The following GNA12 variants were observed in gnomAD, a reference collection of about 807,000 sequenced individuals.
GNA12 encodes G protein subunit alpha 12.
A neutral mutation model predicts 26.0 loss-of-function variants in GNA12; 9 were observed. The observed-to-expected ratio is 0.35, with a 90% confidence interval of 0.21 to 0.60. GNA12 has a LOEUF of 0.60. GNA12 is among the 20% of genes least tolerant of loss of function. GNA12 has a pLI of 0.78. For synonymous variants in GNA12, 264 were observed against 219.6 expected, an observed-to-expected ratio of 1.20 and a Z score of -1.79; for missense variants, 405 against 525.8, an observed-to-expected ratio of 0.77 and a Z score of 2.25.
chr7:2,828,141 A>C (rs569011944), intron 1 of GNA12, among the ~76,000 whole-genome samples: 1 of 152,356 alleles, frequency 6.6e-6, no homozygotes, highest in Admixed American at 6.5e-5. Flanking sequence ...AAAATATTCA[A>C]GATTACAAAA....
chr7:2,739,758 C>A (rs1350028815), intron 2 of GNA12, among the ~76,000 whole-genome samples: 1 of 152,192 alleles, frequency 6.6e-6, no homozygotes, highest in African/African-American at 2.4e-5. Flanking sequence ...ACCGCAACCT[C>A]TGCCTCCTGG....
At chr7:2,839,469 T>C in intron 1 of GNA12, among the ~76,000 whole-genome samples, 1 of 152,166 alleles carries the variant, frequency 6.6e-6, no homozygotes, top group Non-Finnish European at 1.5e-5. Context: ...CTGCAACCTA[T>C]GCCTCCTAGG....
At chr7:2,758,022 T>C (rs1487187733) in intron 2 of GNA12, among the ~76,000 whole-genome samples, 1 of 152,204 alleles carries the variant, frequency 6.6e-6, no homozygotes, top group African/African-American at 2.4e-5. Context: ...ACCTAATAAA[T>C]GTCTGGAAAA....
intron 2 of GNA12, among the ~76,000 whole-genome samples, chr7:2,791,889 A>C (rs1178834974): frequency 1.3e-5 from 2 of 152,208 alleles, no homozygotes; most frequent in Non-Finnish European, 2.9e-5. Context: ...AAGAAGGGCA[A>C]ATGTATAAAG....
rs79122152 is a variant in GNA12, at chr7:2,819,046, T to C, written c.310-23903A>G. On this transcript the variant is annotated intron_variant, in intron 1 of 3. Coordinates refer to ENST00000275364, the MANE Select transcript of GNA12 (RefSeq NM_007353.3). ...GCTGAGCTTAAAATAGGGCGATTAT[T>C]CTGGATTACCCTGCGAGCCTGATGG... 9.6e-3 allele frequency among the ~76,000 whole-genome samples: 1,455 copies of C among 152,242 alleles called. 17 individuals are homozygous for C. Among genetic ancestry groups the C allele is most frequent in the African/African-American group, 0.033 (1,361 of 41,538 alleles).
At chr7:2,803,876 T>C (rs1164176883) in intron 1 of GNA12, among the ~76,000 whole-genome samples, 1 of 151,528 alleles carries the variant, frequency 6.6e-6, no homozygotes. Flanking sequence ...AACTGGAAAG[T>C]GAAAATCCAG....
At chr7:2,807,690 A>AAT (rs1792981998) in intron 1 of GNA12, among the ~76,000 whole-genome samples, 1 of 152,208 alleles carries the variant, frequency 6.6e-6, no homozygotes, top group Non-Finnish European at 1.5e-5. Context: ...GATAAGACCA[A>AAT]ATGGAAAAAA....
At chr7:2,762,760 C>G in intron 2 of GNA12, 6 of 1,550,028 alleles carry the variant, frequency 3.9e-6, no homozygotes, top group Non-Finnish European at 3.5e-6. Context: ...GCACCAGGCC[C>G]GTCCTTTCCA....
intron 2 of GNA12, among the ~76,000 whole-genome samples, chr7:2,763,817 G>C (rs920763242): frequency 1.3e-5 from 2 of 152,320 alleles, no homozygotes; most frequent in African/African-American, 2.4e-5. Context: ...GCGAGGCCGG[G>C]ACCTCTGCAC....
intron 2 of GNA12, among the ~76,000 whole-genome samples, chr7:2,749,493 A>G (rs1790921653): frequency 7.3e-6 from 1 of 136,424 alleles, no homozygotes; most frequent in Admixed American, 7.5e-5. Context: ...GGGGAACATC[A>G]CACACCGGGG....
intron 2 of GNA12, among the ~76,000 whole-genome samples, chr7:2,743,919 T>C (rs1188378340): frequency 3.3e-5 from 5 of 151,932 alleles, no homozygotes; most frequent in South Asian, 2.1e-4. Flanking sequence ...GTCTTGCTCA[T>C]TGCTAGCACA....
At chr7:2,786,093 G>A (rs76019559) in intron 2 of GNA12, among the ~76,000 whole-genome samples, 2,925 of 152,252 alleles carry the variant, frequency 0.019, 54 homozygotes, top group Middle Eastern at 0.075. Context: ...GAAAGGGGCG[G>A]CATGAGGGAG....
intron 1 of GNA12, among the ~76,000 whole-genome samples, chr7:2,836,191 C>A (rs1400382506): frequency 6.6e-6 from 1 of 152,164 alleles, no homozygotes; most frequent in African/African-American, 2.4e-5. Flanking sequence ...GAAGTCCTCG[C>A]ACTATCTAAC....
chr7:2,789,830 G>A (rs1221499200), intron 2 of GNA12, among the ~76,000 whole-genome samples: 1 of 152,174 alleles, frequency 6.6e-6, no homozygotes, highest in Admixed American at 6.5e-5. Context: ...AGCCACAGAG[G>A]AAGCCAGGCC....
At chr7:2,841,688 G>A (rs917840206) in intron 1 of GNA12, among the ~76,000 whole-genome samples, 1 of 152,204 alleles carries the variant, frequency 6.6e-6, no homozygotes, top group Non-Finnish European at 1.5e-5. Flanking sequence ...AGTATGTCAA[G>A]TGCGAATACT....
At position 2,778,593 on chromosome 7, in the gene GNA12, G is replaced by C. The variant is rs537610219; in HGVS notation, c.525+16335C>G. ...ACCCCTGGCTCTCAGGGAGATGAAT[G>C]GAAGAAAATCGTTCCTCCTATAGCT... On this transcript the variant is annotated intron_variant, in intron 2 of 3. Coordinates refer to ENST00000275364, the MANE Select transcript of GNA12 (RefSeq NM_007353.3). 3.4e-4 allele frequency among the ~76,000 whole-genome samples: 52 copies of C among 152,302 alleles called. 1 individual carries two copies. The South Asian group carries it at 0.011, about 31-fold the overall frequency.
intron 1 of GNA12, among the ~76,000 whole-genome samples, chr7:2,821,624 T>C (rs1440310165): frequency 2.6e-5 from 4 of 152,192 alleles, no homozygotes; most frequent in Non-Finnish European, 4.4e-5. Flanking sequence ...GAGAAACTCC[T>C]GCAGTTATTC....
chr7:2,738,546 A>C (rs2115316942), intron 2 of GNA12, among the ~76,000 whole-genome samples: 1 of 152,232 alleles, frequency 6.6e-6, no homozygotes, highest in South Asian at 2.1e-4. Context: ...CGGGAGACTA[A>C]AACCCATATT....
chr7:2,826,077 T>C (rs1793478473), intron 1 of GNA12, among the ~76,000 whole-genome samples: 1 of 152,044 alleles, frequency 6.6e-6, no homozygotes, highest in South Asian at 2.1e-4. Flanking sequence ...GGCAGTTTCT[T>C]ACAAAACTAA....
Sources: gnomAD v4.1 joint callset for allele counts (sites outside exome capture counted in the v4.1 genomes callset) on GRCh38, gnomAD v4.1.1 for gene constraint, MANE v1.5 for transcripts, NCBI Gene and HGNC (gene_info 2026-07-23, HGNC 2026-07-21) for gene names.